Variants in C14orf132 observed in about 807,000 individuals in gnomAD.
C14orf132 encodes the protein chromosome 14 open reading frame 132.
A neutral mutation model predicts 5.8 loss-of-function variants in C14orf132; 6 were observed. The ratio of observed to expected loss-of-function variants is 1.03; its 90% CI spans 0.57 to 2.04. C14orf132 has a LOEUF of 2.04. C14orf132 is among the 30% of genes most tolerant of loss of function. The pLI is 0.00. For missense variants in C14orf132, 125 were observed against 115.8 expected, an observed-to-expected ratio of 1.08 and a Z score of -0.37; for synonymous variants, 51 against 49.8, an observed-to-expected ratio of 1.02 and a Z score of -0.10.
intron 1 of C14orf132, among the ~76,000 whole-genome samples, chr14:96,066,361 C>A (rs970552781): frequency 1.3e-5 from 2 of 152,180 alleles, no homozygotes; most frequent in African/African-American, 4.8e-5. Context: ...TCTCCCCCTG[C>A]GTTGTGCTGA....
Position 96,089,700 on chromosome 14 carries a change from C to T in C14orf132, c.*2965C>T, listed in dbSNP as rs1888319040. 6.6e-6 allele frequency: 1 copy of T among 152,304 alleles called. No homozygotes were observed. Among genetic ancestry groups the T allele is most frequent in the Non-Finnish European group, 1.5e-5 (1 of 68,140 alleles). 9.4% of individuals were successfully genotyped at this position (152,304 alleles called of 1,614,324 possible). A position where few individuals can be genotyped will look rare whatever the true frequency, so the allele number is the denominator to read the frequency against. ...AGGGGTGCCGGTCCCCAAGGCCTGC[C>T]CCCTTCTTTAAGACTGAACTCAAGT... On this transcript the variant is annotated 3_prime_UTR_variant, in exon 2 of 2. Transcript: ENST00000555004.
intron 1 of C14orf132, among the ~76,000 whole-genome samples, chr14:96,056,632 T>C (rs1390422519): frequency 6.6e-6 from 1 of 152,220 alleles, no homozygotes; most frequent in East Asian, 1.9e-4. Context: ...GGTAAGGCCA[T>C]GTGTGTGCAG....
At chr14:96,059,730 C>T (rs1330889424) in intron 1 of C14orf132, among the ~76,000 whole-genome samples, 4 of 152,000 alleles carry the variant, frequency 2.6e-5, no homozygotes, top group South Asian at 4.1e-4. Context: ...CGCCTTTCCT[C>T]CTCCCTGGAC....
At chr14:96,051,532 T>G (rs958620522) in intron 1 of C14orf132, among the ~76,000 whole-genome samples, 8 of 152,312 alleles carry the variant, frequency 5.3e-5, no homozygotes, top group African/African-American at 1.9e-4. Context: ...CTCCTCAGCA[T>G]GAAGCTCTGG....
intron 1 of C14orf132, among the ~76,000 whole-genome samples, chr14:96,064,427 CACATATATATGTGTAT>C (rs1887467172): frequency 6.8e-6 from 1 of 147,706 alleles, no homozygotes; most frequent in Admixed American, 6.8e-5. Flanking sequence ...CACATATATA[CACATATATATGTGTAT>C]ATATATGTGT....
At chr14:96,069,834 C>G (rs998680799) in intron 1 of C14orf132, among the ~76,000 whole-genome samples, 5 of 152,302 alleles carry the variant, frequency 3.3e-5, no homozygotes, top group Non-Finnish European at 5.9e-5. Flanking sequence ...TCCCTTCTTC[C>G]CAGCAAACAC....
intron 1 of C14orf132, among the ~76,000 whole-genome samples, chr14:96,071,200 G>A (rs548900065): frequency 1.4e-4 from 21 of 152,264 alleles, no homozygotes; most frequent in African/African-American, 4.8e-4. Context: ...GGAAGGAGAC[G>A]TGCTGAGCAA....
intron 1 of C14orf132, among the ~76,000 whole-genome samples, chr14:96,083,753 T>C (rs1398635848): frequency 6.6e-6 from 1 of 152,242 alleles, no homozygotes; most frequent in Admixed American, 6.5e-5. Flanking sequence ...TGAAACTGTA[T>C]GATACATTAG....
intron 1 of C14orf132, among the ~76,000 whole-genome samples, chr14:96,040,646 G>T (rs1012983803): frequency 2.6e-5 from 4 of 152,176 alleles, no homozygotes; most frequent in Admixed American, 6.5e-5. Flanking sequence ...AGGCTTAAAA[G>T]ATGCGGAAGC....
chr14:96,084,460 G>A (rs1035117296), intron 1 of C14orf132, among the ~76,000 whole-genome samples: 2 of 152,168 alleles, frequency 1.3e-5, no homozygotes, highest in Non-Finnish European at 2.9e-5. Flanking sequence ...CGATGATGTC[G>A]CCTGGGGAAG....
chr14:96,083,630 G>A (rs573733586), intron 1 of C14orf132, among the ~76,000 whole-genome samples: 1 of 152,226 alleles, frequency 6.6e-6, no homozygotes, highest in Non-Finnish European at 1.5e-5. Context: ...CATGAGCCCA[G>A]GAATGTGAGC....
chr14:96,054,230 C>T (rs1166620206), intron 1 of C14orf132, among the ~76,000 whole-genome samples: 1 of 152,188 alleles, frequency 6.6e-6, no homozygotes, highest in African/African-American at 2.4e-5. Flanking sequence ...CTCACCACCT[C>T]ACCAAACAGA....
chr14:96,054,649 G>C (rs778771633), intron 1 of C14orf132, among the ~76,000 whole-genome samples: 6 of 152,178 alleles, frequency 3.9e-5, no homozygotes, highest in Non-Finnish European at 5.9e-5. Flanking sequence ...TATTATGTTT[G>C]AACCAAAACT....
intron 1 of C14orf132, among the ~76,000 whole-genome samples, chr14:96,054,406 G>C (rs1791692978): frequency 6.6e-6 from 1 of 152,182 alleles, no homozygotes; most frequent in South Asian, 2.1e-4. Flanking sequence ...GCTTAAATAT[G>C]GTAATGTGGC....
intron 1 of C14orf132, among the ~76,000 whole-genome samples, chr14:96,061,555 G>T (rs548238610): frequency 2.0e-5 from 3 of 152,290 alleles, no homozygotes; most frequent in Non-Finnish European, 4.4e-5. Context: ...TTCTCTGTGG[G>T]TTTAACTTAT....
chr14:96,070,917 A>ATGAGTTAAT (rs1285287200), intron 1 of C14orf132, among the ~76,000 whole-genome samples: 2 of 152,162 alleles, frequency 1.3e-5, no homozygotes. Flanking sequence ...AATGACTGCC[A>ATGAGTTAAT]CACTGTAAAG....
In C14orf132 at chr14:96,087,039, T is replaced by A. The variant is rs1477554751; in HGVS notation, c.*304T>A. Reference sequence around the variant, plus strand: ...ACATGGGACCAGATGAGACAGCTAGTTAAGTTTAAAACATAGACATGATTT... The same window carrying A: ...ACATGGGACCAGATGAGACAGCTAGATAAGTTTAAAACATAGACATGATTT... On this transcript the variant is annotated 3_prime_UTR_variant, in exon 2 of 2. Transcript: ENST00000555004. 6.9e-6 allele frequency: 3 copies of A among 437,542 alleles called. No individual in the cohort carries two copies. Among genetic ancestry groups the A allele is most frequent in the Non-Finnish European group, 1.2e-5 (3 of 241,934 alleles). The allele number at this position is 437,542 out of a possible 1,614,324, so 27.1% of individuals were successfully genotyped here. A position where few individuals can be genotyped will look rare whatever the true frequency, so the allele number is the denominator to read the frequency against.
intron 1 of C14orf132, among the ~76,000 whole-genome samples, chr14:96,066,100 G>C (rs1595180095): frequency 6.6e-6 from 1 of 152,144 alleles, no homozygotes; most frequent in East Asian, 1.9e-4. Flanking sequence ...TACAGCCAGG[G>C]AGGTGGGGCA....
chr14:96,055,135 C>G (rs1010712912), intron 1 of C14orf132, among the ~76,000 whole-genome samples: 1 of 152,318 alleles, frequency 6.6e-6, no homozygotes, highest in Non-Finnish European at 1.5e-5. Flanking sequence ...TTATTACTCA[C>G]ACCGCAGCAA....
Sources: gnomAD v4.1 joint callset for allele counts (sites outside exome capture counted in the v4.1 genomes callset) on GRCh38, gnomAD v4.1.1 for gene constraint, MANE v1.5 for transcripts, NCBI Gene and HGNC (gene_info 2026-07-23, HGNC 2026-07-21) for gene names.